The following SLC17A1 variants were observed in gnomAD, a reference collection of about 807,000 sequenced individuals.
The protein encoded by SLC17A1 is sodium-dependent phosphate transport protein 1.
In SLC17A1, 51 loss-of-function variants were observed where a neutral mutation model predicts 53.5. That is an observed-to-expected ratio of 0.95 (90% confidence interval 0.76 to 1.20). The LOEUF (loss-of-function observed/expected upper bound fraction) is 1.20. SLC17A1 is among the 50% of genes most tolerant of loss of function. The pLI, the probability that SLC17A1 is intolerant of heterozygous loss-of-function variation, is 0.00. For synonymous variants in SLC17A1, 179 were observed against 198.8 expected (o/e 0.90, Z 0.84); for missense variants, 538 against 568.2 (o/e 0.95, Z 0.54).
At chr6:25,776,589 C>G in the SLC17A1 span, 1 of 1,595,468 alleles carries the variant, frequency 6.3e-7, no homozygotes, top group Non-Finnish European at 8.5e-7. Flanking sequence ...AGTCTCTGGT[C>G]CTCAGAGTGG....
At chr6:25,726,238 A>G in the SLC17A1 span, 1 of 1,613,670 alleles carries the variant, frequency 6.2e-7, no homozygotes, top group African/African-American at 1.3e-5. Context: ...GCCGCCCAAA[A>G]GCTTATTGAG....
the SLC17A1 span, among the ~76,000 whole-genome samples, chr6:25,741,652 G>T: frequency 1.3e-5 from 2 of 152,016 alleles, no homozygotes; most frequent in Non-Finnish European, 2.9e-5. Flanking sequence ...GGAGGCAGAG[G>T]TTGCCGTGAG....
the SLC17A1 span, chr6:25,732,905 A>AACAAAC: frequency 8.0e-6 from 2 of 249,052 alleles, no homozygotes; most frequent in Non-Finnish European, 1.6e-5. Context: ...CAAAAACAAA[A>AACAAAC]ACCCCAAAGC....
chr6:25,733,625 T>C, the SLC17A1 span, among the ~76,000 whole-genome samples: 1 of 152,172 alleles, frequency 6.6e-6, no homozygotes, highest in Non-Finnish European at 1.5e-5. Flanking sequence ...GTTTATAACA[T>C]ACACACTAAG....
At chr6:25,761,809 A>G in the SLC17A1 span, 1 of 597,070 alleles carries the variant, frequency 1.7e-6, no homozygotes, top group Admixed American at 3.5e-5. Context: ...TAGTTTTCAT[A>G]AACCCTAATC....
intron 12 of SLC17A1, among the ~76,000 whole-genome samples, chr6:25,793,209 A>AT (rs1177282057): frequency 7.2e-5 from 11 of 152,220 alleles, no homozygotes; most frequent in Non-Finnish European, 4.4e-5. Context: ...TTCCTTGGTT[A>AT]TTTTTTATGC....
chr6:25,790,747 G>A (rs1052648635), intron 12 of SLC17A1, among the ~76,000 whole-genome samples: 1 of 152,058 alleles, frequency 6.6e-6, no homozygotes, highest in Non-Finnish European at 1.5e-5. Context: ...TAAATTAACA[G>A]CCAATTTATT....
At chr6:25,757,634 A>C in the SLC17A1 span, among the ~76,000 whole-genome samples, 8 of 151,448 alleles carry the variant, frequency 5.3e-5, no homozygotes, top group South Asian at 1.7e-3. Context: ...TCTGTCAGCA[A>C]CTCCTCTCAC....
the SLC17A1 span, among the ~76,000 whole-genome samples, chr6:25,733,515 A>G: frequency 6.6e-6 from 1 of 152,160 alleles, no homozygotes; most frequent in Non-Finnish European, 1.5e-5. Flanking sequence ...TAGCCATGCT[A>G]TGTTAATAAA....
At chr6:25,808,402 A>G (rs1764032986) in intron 10 of SLC17A1, among the ~76,000 whole-genome samples, 1 of 152,020 alleles carries the variant, frequency 6.6e-6, no homozygotes, top group African/African-American at 2.4e-5. Flanking sequence ...TACAATGTAC[A>G]CTATTCCCCT....
At chr6:25,726,496 G>A in the SLC17A1 span, 18 of 1,611,638 alleles carry the variant, frequency 1.1e-5, no homozygotes, top group Admixed American at 3.3e-5. Context: ...CTTGGCGCGT[G>A]CTTTTCCTCC....
chr6:25,739,286 G>C, the SLC17A1 span, among the ~76,000 whole-genome samples: 9 of 152,246 alleles, frequency 5.9e-5, no homozygotes, highest in South Asian at 4.1e-4. Flanking sequence ...AAGCTTTCTG[G>C]ATTCGCTTCT....
intron 2 of SLC17A1, among the ~76,000 whole-genome samples, chr6:25,828,321 A>G (rs1764825132): frequency 6.6e-6 from 1 of 152,168 alleles, no homozygotes; most frequent in Non-Finnish European, 1.5e-5. Context: ...CCACCCAAGA[A>G]TAAAACAGGG....
the SLC17A1 span, chr6:25,726,483 A>G: frequency 8.1e-6 from 13 of 1,613,186 alleles, no homozygotes; most frequent in Non-Finnish European, 1.1e-5. Flanking sequence ...AGCGAGACTT[A>G]GACTTGGCGC....
At chr6:25,782,847 C>T (rs956199028), downstream of SLC17A1, 3 of 152,132 alleles carry the variant, frequency 2.0e-5, no homozygotes, top group Non-Finnish European at 4.4e-5. Flanking sequence ...TGCACTAGCT[C>T]ACACATCTAC....
chr6:25,831,652 A>G (rs949734186), intron 1 of SLC17A1, among the ~76,000 whole-genome samples: 1 of 152,070 alleles, frequency 6.6e-6, no homozygotes, highest in Admixed American at 6.6e-5. Flanking sequence ...CACCACACAC[A>G]TAACCACACA....
the SLC17A1 span, chr6:25,727,297 G>A: frequency 2.5e-6 from 4 of 1,582,416 alleles, no homozygotes; most frequent in East Asian, 2.3e-5. Flanking sequence ...AAGTAAGCCT[G>A]CTAAGTAAAC....
In SLC17A1 at chr6:25,784,611, C is replaced by T. The variant is rs145094930; in HGVS notation, c.*3-1393G>A. ...ATCTGCCCCCATGACCTAAACACCT[C>T]GTACTACGCCCCACTTTTAACACTA... On this transcript the variant is annotated intron_variant, in intron 12 of 12. Coordinates refer to ENST00000244527, the MANE Select transcript of SLC17A1 (RefSeq NM_005074.5). Among the ~76,000 whole-genome samples the T allele has an allele frequency of 3.5e-3, 530 of 152,218 alleles. 2 individuals are homozygous for T. The highest frequency in any genetic ancestry group is 0.012 in the African/African-American group (488 of 41,532).
the SLC17A1 span, chr6:25,732,536 C>A: frequency 1.9e-6 from 1 of 518,428 alleles, no homozygotes; most frequent in South Asian, 1.8e-5. Context: ...ACGGGCTGCT[C>A]AGCAAGGGCA....
Sources: allele counts gnomAD v4.1 joint callset (sites outside exome capture counted in the v4.1 genomes callset), GRCh38; gene constraint gnomAD v4.1.1; transcripts MANE v1.5; gene names NCBI Gene and HGNC (gene_info 2026-07-23, HGNC 2026-07-21).